The following ZFYVE26 variants were observed in gnomAD, a reference collection of about 807,000 sequenced individuals.
The protein encoded by ZFYVE26 is zinc finger FYVE-type containing 26, also known as zinc finger FYVE domain-containing protein 26.
ZFYVE26 carries 181 observed loss-of-function variants against 276.5 expected under a neutral mutation model. The observed-to-expected ratio is 0.65, with a 90% confidence interval of 0.58 to 0.74. ZFYVE26 has a LOEUF of 0.74. ZFYVE26 is among the 30% of genes least tolerant of loss of function. The pLI is 0.00. For missense variants in ZFYVE26, 2,821 were observed against 3,097.9 expected, an observed-to-expected ratio of 0.91 and a Z score of 2.12; for synonymous variants, 1,129 against 1,203.1, an observed-to-expected ratio of 0.94 and a Z score of 1.27.
intron 13 of ZFYVE26, among the ~76,000 whole-genome samples, chr14:67,734,765 G>T (rs1219009225): frequency 6.6e-6 from 1 of 152,204 alleles, no homozygotes; most frequent in African/African-American, 2.4e-5. Context: ...TTTGAGTGCT[G>T]ACGGAGACAC....
rs553927490 is a variant in ZFYVE26 at position 67,777,463 on chromosome 14, C to T, written c.4974+96G>A. The T allele has an allele frequency of 2.3e-5, 37 of 1,591,950 alleles. No individual in the cohort carries two copies. The South Asian group carries it at 2.9e-4, about 12-fold the overall frequency. On this transcript the variant is annotated intron_variant, in intron 25 of 41. Transcript: ENST00000347230. ...GCAAGTTCTGAAGAAGAGCTAGGCT[C>T]GCAGTCTCTCCCTCAGGTATGCCTT...
intron 3 of ZFYVE26, 83 bp downstream of exon 3, chr14:67,813,903 C>T: frequency 1.0e-6 from 1 of 973,878 alleles, no homozygotes; most frequent in South Asian, 1.3e-5. Flanking sequence ...AAGGAAGTAA[C>T]AGACAGAAGG....
At chr14:67,772,839 T>C (rs889628336) in intron 27 of ZFYVE26, among the ~76,000 whole-genome samples, 1 of 152,154 alleles carries the variant, frequency 6.6e-6, no homozygotes, top group Non-Finnish European at 1.5e-5. Context: ...TGTGTGCATG[T>C]AGTCCCAGCT....
intron 13 of ZFYVE26, chr14:67,733,678 G>T: frequency 9.9e-7 from 1 of 1,005,328 alleles, no homozygotes; most frequent in South Asian, 1.3e-5. Context: ...TTCTGAGAAA[G>T]GGACCATAAA....
At position 67,815,864 on chromosome 14, in the gene ZFYVE26, C is replaced by T. The variant is rs370701050; in HGVS notation, c.100G>A (p.Ala34Thr). ...LRRGEWELAQ[A>T]CVPQLQEGQG... is the part of the protein sequence containing the mutation. Reference sequence around the variant, plus strand: ...CCCTCCTGTAGCTGAGGTACACATGCCTGTGCCAGCTCCCATTCTCCCCTC... The same window carrying T: ...CCCTCCTGTAGCTGAGGTACACATGTCTGTGCCAGCTCCCATTCTCCCCTC... Residue 34 changes from alanine to threonine, a missense_variant, in exon 2 of 42, where the codon GCA becomes ACA. By Grantham distance (58) the Ala-to-Thr change is moderately conservative. Coordinates refer to ENST00000347230, the MANE Select transcript of ZFYVE26 (RefSeq NM_015346.4). 2.5e-6 allele frequency: 4 copies of T among 1,614,154 alleles called. No homozygotes were observed. Among genetic ancestry groups the T allele is most frequent in the Non-Finnish European group, 3.4e-6 (4 of 1,180,036 alleles).
At chr14:67,765,902 C>T (rs528650247) in intron 32 of ZFYVE26, among the ~76,000 whole-genome samples, 3 of 152,318 alleles carry the variant, frequency 2.0e-5, no homozygotes, top group African/African-American at 7.2e-5. Flanking sequence ...GAAAGTCCCA[C>T]AGAGACTAAA....
At chr14:67,771,912 A>G in intron 28 of ZFYVE26, 135 bp downstream of exon 28, 1 of 1,228,344 alleles carries the variant, frequency 8.1e-7, no homozygotes, top group Non-Finnish European at 1.2e-6. Flanking sequence ...AAATGAACCC[A>G]AAGTCTTAGA....
At chr14:67,760,778 C>T (rs1269273300) in intron 35 of ZFYVE26, 2 of 172,302 alleles carry the variant, frequency 1.2e-5, no homozygotes, top group African/African-American at 2.4e-5. Flanking sequence ...GTCCTGATTG[C>T]TTATTAAGAG....
intron 14 of ZFYVE26, 52 bp from the exon 15 acceptor site, chr14:67,790,825 A>C (rs2039794676): frequency 6.5e-7 from 1 of 1,540,554 alleles, no homozygotes; most frequent in Non-Finnish European, 9.0e-7. Flanking sequence ...TGATTTAGGG[A>C]ATGTCCATGG....
intron 35 of ZFYVE26, among the ~76,000 whole-genome samples, chr14:67,759,400 C>T (rs974152796): frequency 3.3e-5 from 5 of 151,818 alleles, no homozygotes; most frequent in South Asian, 2.1e-4. Context: ...CCCAGGCAGG[C>T]GGATCACAAG....
intron 16 of ZFYVE26, among the ~76,000 whole-genome samples, chr14:67,787,122 C>T (rs552139975): frequency 6.6e-6 from 1 of 152,098 alleles, no homozygotes; most frequent in Non-Finnish European, 1.5e-5. Flanking sequence ...GTGGCTCACA[C>T]CTGTAATCCC....
chr14:67,737,033 A>G (rs2038360285), intron 13 of ZFYVE26, among the ~76,000 whole-genome samples: 1 of 151,264 alleles, frequency 6.6e-6, no homozygotes, highest in Non-Finnish European at 1.5e-5. Context: ...GAGAGTTGGC[A>G]GCTGTGTACA....
At chr14:67,765,692 C>T (rs1566870566) in intron 32 of ZFYVE26, among the ~76,000 whole-genome samples, 1 of 152,162 alleles carries the variant, frequency 6.6e-6, no homozygotes. Flanking sequence ...TCTAATCATA[C>T]CTTTTCCATA....
intron 20 of ZFYVE26, among the ~76,000 whole-genome samples, chr14:67,783,841 T>G (rs1400024063): frequency 2.6e-5 from 4 of 152,248 alleles, no homozygotes; most frequent in Non-Finnish European, 5.9e-5. Context: ...TCTGATCTGT[T>G]GGTACTATAT....
intron 27 of ZFYVE26, among the ~76,000 whole-genome samples, chr14:67,773,287 A>G (rs1361688530): frequency 6.6e-6 from 1 of 151,930 alleles, no homozygotes; most frequent in Non-Finnish European, 1.5e-5. Flanking sequence ...GGTGCAGATT[A>G]TGCCTGTAAT....
At chr14:67,788,394 T>G (rs1037858523) in intron 16 of ZFYVE26, among the ~76,000 whole-genome samples, 3 of 152,134 alleles carry the variant, frequency 2.0e-5, no homozygotes, top group African/African-American at 7.2e-5. Context: ...AGATTCTATC[T>G]CAAAAACACA....
At chr14:67,794,304 G>A (rs1279224626) in intron 12 of ZFYVE26, 65 bp from the exon 13 acceptor site, 2 of 1,526,134 alleles carry the variant, frequency 1.3e-6, no homozygotes, top group African/African-American at 1.4e-5. Context: ...GAAGTGTGAA[G>A]TTGGCTTGAC....
At chr14:67,766,545 A>T in intron 31 of ZFYVE26, 98 bp from the exon 32 acceptor site, 1 of 1,120,860 alleles carries the variant, frequency 8.9e-7, no homozygotes, top group South Asian at 1.3e-5. Flanking sequence ...TCCCCTTTCA[A>T]AAGGCTGAAA....
At chr14:67,799,508 CA>C in intron 10 of ZFYVE26, 1 of 1,599,686 alleles carries the variant, frequency 6.3e-7, no homozygotes, top group Non-Finnish European at 8.6e-7. Flanking sequence ...AAAGGATCGG[CA>C]AAAGGAAATG....
Sources: gnomAD v4.1 joint callset for allele counts (sites outside exome capture counted in the v4.1 genomes callset) on GRCh38, gnomAD v4.1.1 for gene constraint, MANE v1.5 for transcripts, NCBI Gene and HGNC (gene_info 2026-07-23, HGNC 2026-07-21) for gene names.